The following KDM4C variants were observed in gnomAD, a reference collection of about 807,000 sequenced individuals.
The protein encoded by KDM4C is lysine-specific demethylase 4C.
In KDM4C, 81 loss-of-function variants were observed where a neutral mutation model predicts 129.3. The observed-to-expected ratio is 0.63, with a 90% CI of 0.52 to 0.75. The LOEUF (loss-of-function observed/expected upper bound fraction) is 0.75. Ranked by LOEUF, KDM4C falls within the 30% of genes least tolerant of loss-of-function variation. The pLI is 0.00. For synonymous variants in KDM4C, 573 were observed against 456.1 expected (o/e 1.26, Z -3.26); for missense variants, 1,457 against 1,304.0 (o/e 1.12, Z -1.81).
chr9:6,891,503 G>A (rs1402404822), intron 7 of KDM4C, among the ~76,000 whole-genome samples: 2 of 152,112 alleles, frequency 1.3e-5, no homozygotes, highest in East Asian at 3.8e-4. Flanking sequence ...CTTAGGGCTG[G>A]GATGAATGAG....
intron 17 of KDM4C, among the ~76,000 whole-genome samples, chr9:7,056,274 TC>T (rs1475213595): frequency 3.3e-5 from 5 of 152,166 alleles, no homozygotes; most frequent in African/African-American, 1.2e-4. Context: ...TTATATAACA[TC>T]ATTAAGATAA....
chr9:7,119,390 A>C (rs544727443), intron 18 of KDM4C, among the ~76,000 whole-genome samples: 3 of 152,338 alleles, frequency 2.0e-5, no homozygotes, highest in African/African-American at 7.2e-5. Context: ...TTCTAGCACA[A>C]ATTTAACAGT....
At chr9:7,154,542 C>A (rs928868599) in intron 19 of KDM4C, among the ~76,000 whole-genome samples, 1 of 152,106 alleles carries the variant, frequency 6.6e-6, no homozygotes, top group African/African-American at 2.4e-5. Context: ...CGTAAGAGTT[C>A]CAAGAACTCA....
intron 15 of KDM4C, 40 bp downstream of exon 15, chr9:7,015,969 A>G (rs779557741): frequency 4.3e-6 from 6 of 1,404,374 alleles, no homozygotes; most frequent in Middle Eastern, 1.8e-4. Flanking sequence ...CTTTCTTCCC[A>G]CCCTACCCAC....
rs149227437 is a variant in KDM4C, at chr9:7,130,948, T to C, written c.2781+2712T>C. Among the ~76,000 whole-genome samples, 1,108 of 151,538 alleles carry C rather than the reference T, an allele frequency of 7.3e-3. 15 individuals are homozygous for C. Among genetic ancestry groups the C allele is most frequent in the African/African-American group, 0.026 (1,057 of 41,248 alleles). The stretch of plus-strand genomic sequence containing the variant: ...TAATTTTTTTTTTTTTTTAATTTTT[T>C]TGTAGAGATGGTGTCGAACTGCGTT... On this transcript the variant is annotated intron_variant, in intron 19 of 21. Transcript: ENST00000381309.
At chr9:7,027,999 C>T (rs758303186) in intron 15 of KDM4C, among the ~76,000 whole-genome samples, 6 of 152,126 alleles carry the variant, frequency 3.9e-5, no homozygotes, top group South Asian at 2.1e-4. Flanking sequence ...CTGGGCTCCC[C>T]GCTGGCCCAG....
chr9:7,074,558 C>T (rs191742264), intron 17 of KDM4C, among the ~76,000 whole-genome samples: 36 of 152,146 alleles, frequency 2.4e-4, no homozygotes, highest in Non-Finnish European at 4.3e-4. Flanking sequence ...TGTTTGACCA[C>T]GTTATTTTTC....
At chr9:6,800,774 G>A (rs564094247) in intron 2 of KDM4C, among the ~76,000 whole-genome samples, 3 of 152,112 alleles carry the variant, frequency 2.0e-5, no homozygotes, top group Non-Finnish European at 2.9e-5. Context: ...CTATAGGCGT[G>A]TGCCACCACA....
intron 1 of KDM4C, among the ~76,000 whole-genome samples, chr9:6,739,373 A>T (rs1189413923): frequency 6.6e-6 from 1 of 151,124 alleles, no homozygotes; most frequent in Non-Finnish European, 1.5e-5. Flanking sequence ...GTGCCTAGCC[A>T]TTTTTTTCCT....
intron 21 of KDM4C, among the ~76,000 whole-genome samples, chr9:7,171,607 A>T (rs1469905564): frequency 6.6e-6 from 1 of 152,108 alleles, no homozygotes; most frequent in Non-Finnish European, 1.5e-5. Context: ...TAAGCATCCT[A>T]CCAGCTGAGT....
intron 6 of KDM4C, among the ~76,000 whole-genome samples, chr9:6,887,181 T>C (rs1009969323): frequency 6.6e-6 from 1 of 152,172 alleles, no homozygotes; most frequent in African/African-American, 2.4e-5. Flanking sequence ...GTGAGGAAGG[T>C]GTGGAGCAGT....
At chr9:6,860,550 C>T (rs993315249) in intron 5 of KDM4C, among the ~76,000 whole-genome samples, 1 of 152,138 alleles carries the variant, frequency 6.6e-6, no homozygotes, top group Non-Finnish European at 1.5e-5. Flanking sequence ...ATCCCTACAA[C>T]CAACCCCCAT....
At chr9:6,975,169 A>G (rs1032529122) in intron 8 of KDM4C, among the ~76,000 whole-genome samples, 6 of 152,342 alleles carry the variant, frequency 3.9e-5, no homozygotes, top group African/African-American at 9.6e-5. Context: ...GAAGCCTGCA[A>G]ATATTCCAGA....
At chr9:6,951,264 C>T (rs1381452676) in intron 8 of KDM4C, among the ~76,000 whole-genome samples, 1 of 152,116 alleles carries the variant, frequency 6.6e-6, no homozygotes, top group East Asian at 1.9e-4. Context: ...AACACTAGAA[C>T]TTATTGCTTC....
At chr9:6,731,740 C>G (rs1817344161) in intron 1 of KDM4C, among the ~76,000 whole-genome samples, 1 of 152,112 alleles carries the variant, frequency 6.6e-6, no homozygotes, top group South Asian at 2.1e-4. Context: ...CCTTTCTGGT[C>G]AGGTTCTCAC....
chr9:6,857,933 T>TTTC (rs1840177417), intron 5 of KDM4C, among the ~76,000 whole-genome samples: 1 of 148,332 alleles, frequency 6.7e-6, no homozygotes, highest in East Asian at 2.0e-4. Context: ...TTTTTTTTTT[T>TTTC]TTTTTTTTTT....
rs1268491824 is a variant in KDM4C at position 6,889,242 on chromosome 9, TGTGTGTGTGG to T, written c.783+1181_783+1190del. On this transcript the variant is annotated intron_variant, in intron 7 of 21. Transcript: ENST00000381309. ...GTGTGTGTGTGTGTGTGTGTGTGTGTGTGTGTGTGGGAGGGTGGGGGGGATTTGTTCAAAG... is the reference window on the plus strand; with the variant it reads ...GTGTGTGTGTGTGTGTGTGTGTGTGTGAGGGTGGGGGGGATTTGTTCAAAG... Among the ~76,000 whole-genome samples, 4 of 115,596 alleles carry T rather than the reference TGTGTGTGTGG, an allele frequency of 3.5e-5. No homozygotes were observed. In the East Asian group the frequency reaches 1.1e-3, roughly 31 times the overall value. 75.8% of individuals were successfully genotyped at this position (115,596 alleles called of 152,430 possible). A position where few individuals can be genotyped will look rare whatever the true frequency, so the allele number is the denominator to read the frequency against.
At chr9:6,991,358 AT>A (rs1818714749) in intron 12 of KDM4C, among the ~76,000 whole-genome samples, 1 of 152,214 alleles carries the variant, frequency 6.6e-6, no homozygotes, top group Admixed American at 6.5e-5. Context: ...TGCTGAGATT[AT>A]AAGCATTAGC....
chr9:6,855,158 G>C (rs1839569963), intron 5 of KDM4C, among the ~76,000 whole-genome samples: 2 of 152,130 alleles, frequency 1.3e-5, no homozygotes. Context: ...GTATTAATAA[G>C]TGTTCTTGGT....
Sources: gnomAD v4.1 joint callset for allele counts (sites outside exome capture counted in the v4.1 genomes callset) on GRCh38, gnomAD v4.1.1 for gene constraint, MANE v1.5 for transcripts, NCBI Gene and HGNC (gene_info 2026-07-23, HGNC 2026-07-21) for gene names.